CTBP2: variants seen among roughly 807,000 people sequenced by gnomAD.
CTBP2 encodes C-terminal-binding protein 2.
CTBP2 carries 30 observed loss-of-function variants against 80.3 expected under a neutral mutation model. That is an observed-to-expected ratio of 0.37 (90% CI 0.28 to 0.51). The LOEUF is 0.51. Ranked by LOEUF, CTBP2 falls within the 20% of genes least tolerant of loss-of-function variation. CTBP2 has a pLI of 0.93. For missense variants in CTBP2, 1,212 were observed against 1,375.3 expected, an observed-to-expected ratio of 0.88 and a Z score of 1.88; for synonymous variants, 594 against 587.4, an observed-to-expected ratio of 1.01 and a Z score of -0.16.
intron 2 of CTBP2, among the ~76,000 whole-genome samples, chr10:125,102,932 C>T (rs530165229): frequency 9.8e-5 from 15 of 152,326 alleles, no homozygotes; most frequent in East Asian, 1.9e-4. Context: ...TTATCCCTCA[C>T]CTACGAGGCT....
intron 4 of CTBP2, among the ~76,000 whole-genome samples, 179 bp from the exon 7 acceptor site, chr10:124,994,862 A>G (rs1953249132): frequency 6.6e-6 from 1 of 152,274 alleles, no homozygotes; most frequent in African/African-American, 2.4e-5. Flanking sequence ...AGGGGCCACC[A>G]TGGCCGGTGT....
At chr10:125,157,232 A>G (rs1436761419) in intron 1 of CTBP2, among the ~76,000 whole-genome samples, 5 of 152,186 alleles carry the variant, frequency 3.3e-5, no homozygotes, top group African/African-American at 1.2e-4. Context: ...AAAATCAGTT[A>G]AGAAAAGGTA....
Position 125,071,944 on chromosome 10 carries a change from G to C in CTBP2, c.-101-32789C>G, listed in dbSNP as rs149339017. Among the ~76,000 whole-genome samples, 5 of 152,298 alleles carry C rather than the reference G, an allele frequency of 3.3e-5. No individual in the cohort carries two copies. In the East Asian group the frequency reaches 9.7e-4, roughly 29 times the overall value. On this transcript the variant is annotated intron_variant, in intron 2 of 10. Coordinates refer to the CTBP2 transcript ENST00000337195. ...TCAGCTGCCCGCAGGGTACTTGGTG[G>C]AAGACAAGAGGTCAAGACAGGCACT...
At position 125,027,258 on chromosome 10, in the gene CTBP2, G is replaced by A. The variant is rs753682493; in HGVS notation, c.502C>T (p.Pro168Ser). The A allele has an allele frequency of 3.1e-6, 5 of 1,613,688 alleles. No individual in the cohort carries two copies. In the South Asian group the frequency reaches 4.4e-5, roughly 14 times the overall value. Residue 168 changes from proline to serine, a missense_variant, in exon 1 of 9, where the codon CCT becomes TCT. Pro to Ser is a moderately conservative substitution (Grantham distance 74). This residue lies in a region of CTBP2 where 848 missense variants were observed against 782.3 expected (regional missense o/e 1.08). Transcript: ENST00000309035. ...CCCTGAGGGATCATTTTACCTCCAG[G>A]ATCCCGGTACAGGTGACCGGCGTCC...
chr10:125,098,136 A>G (rs1307908701), intron 2 of CTBP2, among the ~76,000 whole-genome samples: 7 of 152,218 alleles, frequency 4.6e-5, no homozygotes, highest in Non-Finnish European at 8.8e-5. Context: ...CCAAACGAAC[A>G]AAAAATGCCA....
chr10:125,050,892 C>T (rs943466447), intron 2 of CTBP2, among the ~76,000 whole-genome samples: 8 of 152,156 alleles, frequency 5.3e-5, no homozygotes, highest in African/African-American at 1.9e-4. Context: ...TCATAATGAA[C>T]TGGGGTCCTC....
chr10:125,098,700 G>GAGAGAGAC (rs1564914067), intron 2 of CTBP2, among the ~76,000 whole-genome samples: 26 of 84,890 alleles, frequency 3.1e-4, no homozygotes, highest in Admixed American at 4.0e-4. Flanking sequence ...GAGAGAGAGA[G>GAGAGAGAC]AGAGAGACAG....
At chr10:125,067,711 G>C (rs961377571) in intron 2 of CTBP2, among the ~76,000 whole-genome samples, 8 of 152,184 alleles carry the variant, frequency 5.3e-5, no homozygotes, top group African/African-American at 1.9e-4. Context: ...TCTCAAAGCA[G>C]TAAGTTATAG....
intron 1 of CTBP2, among the ~76,000 whole-genome samples, chr10:125,115,202 A>C (rs1853029680): frequency 6.6e-6 from 1 of 152,052 alleles, no homozygotes; most frequent in South Asian, 2.1e-4. Context: ...ACTGATCCTA[A>C]AGGGGCCCTT....
upstream of CTBP2, chr10:125,161,032 A>C (rs1364356232): frequency 1.6e-5 from 2 of 128,714 alleles, no homozygotes; most frequent in Non-Finnish European, 3.3e-5. Context: ...AGGCGAGGTG[A>C]GGGTCGCCGC....
intron 1 of CTBP2, chr10:125,158,624 G>A (rs546580157): frequency 2.0e-5 from 3 of 152,204 alleles, no homozygotes; most frequent in Non-Finnish European, 4.4e-5. Flanking sequence ...ATACACAGAA[G>A]GATTGTTTAC....
intron 2 of CTBP2, among the ~76,000 whole-genome samples, chr10:125,054,922 G>A (rs1018029911): frequency 1.3e-5 from 2 of 152,172 alleles, no homozygotes; most frequent in African/African-American, 4.8e-5. Flanking sequence ...CTGAAGGAAC[G>A]GAAAGTCTGC....
chr10:124,987,232 T>C lies in CTBP2; in HGVS notation c.*2286A>G, dbSNP rs1449952672. 6.6e-6 allele frequency: 1 copy of C among 152,640 alleles called. No individual in the cohort carries two copies. Among genetic ancestry groups the C allele is most frequent in the African/African-American group, 2.4e-5 (1 of 41,444 alleles). The allele number at this position is 152,640 out of a possible 1,614,324, so 9.5% of individuals were successfully genotyped here. ...TTTTTCAAAGATGATTATACGTGGC[T>C]AGGTGACAGACATTAATGACTGACT... is the stretch of plus-strand genomic sequence containing the variant. On this transcript the variant is annotated 3_prime_UTR_variant, in exon 9 of 9. Transcript: ENST00000309035.
At chr10:125,144,389 G>A (rs1858378212) in intron 1 of CTBP2, among the ~76,000 whole-genome samples, 1 of 152,194 alleles carries the variant, frequency 6.6e-6, no homozygotes, top group South Asian at 2.1e-4. Flanking sequence ...AATTCCTCAA[G>A]TGGGAAATAA....
chr10:125,132,546 T>G (rs924653892), intron 1 of CTBP2, among the ~76,000 whole-genome samples: 3 of 152,172 alleles, frequency 2.0e-5, no homozygotes, highest in Non-Finnish European at 4.4e-5. Context: ...AACCAGCCTC[T>G]GACTCAGCAC....
chr10:125,111,275 AC>A, intron 1 of CTBP2, among the ~76,000 whole-genome samples, 182 bp from the exon 2 acceptor site: 1 of 152,356 alleles, frequency 6.6e-6, no homozygotes, highest in South Asian at 2.1e-4. Context: ...ATCAAATTAA[AC>A]AGTAGAGCAC....
chr10:124,989,383 A>G lies in CTBP2; in HGVS notation c.*135T>C, dbSNP rs1401661690. On this transcript the variant is annotated 3_prime_UTR_variant, in exon 9 of 9. Transcript: ENST00000309035. Reference sequence around the variant, plus strand: ...CAGTTTTCTAGCTCTTGTAGTTTCAACACTGCAACATCAATGATGCATATG... The same window carrying G: ...CAGTTTTCTAGCTCTTGTAGTTTCAGCACTGCAACATCAATGATGCATATG... 1 of 993,816 alleles carries G rather than the reference A, an allele frequency of 1.0e-6. No individual in the cohort carries two copies. Among genetic ancestry groups the G allele is most frequent in the African/African-American group, 1.6e-5 (1 of 63,064 alleles). The allele number at this position is 993,816 out of a possible 1,614,324, so 61.6% of individuals were successfully genotyped here. A position where few individuals can be genotyped will look rare whatever the true frequency, so the allele number is the denominator to read the frequency against.
chr10:125,030,789 A>C (rs772202554), upstream of CTBP2, among the ~76,000 whole-genome samples: 1 of 152,180 alleles, frequency 6.6e-6, no homozygotes, highest in Non-Finnish European at 1.5e-5. Context: ...CTCAGGGAAT[A>C]GCTCATTCTC....
chr10:125,143,914 A>G (rs766666873), intron 1 of CTBP2, among the ~76,000 whole-genome samples: 1 of 152,226 alleles, frequency 6.6e-6, no homozygotes, highest in Non-Finnish European at 1.5e-5. Context: ...CAGAGGCCTC[A>G]GTGCAGAGCC....
Sources: allele counts gnomAD v4.1 joint callset (sites outside exome capture counted in the v4.1 genomes callset), GRCh38; gene constraint gnomAD v4.1.1; regional missense constraint gnomAD v4.1.1; transcripts MANE v1.5; gene names NCBI Gene and HGNC (gene_info 2026-07-23, HGNC 2026-07-21).